SPG7: variants seen among roughly 807,000 people sequenced by gnomAD.
SPG7 encodes mitochondrial inner membrane m-AAA protease component paraplegin.
In SPG7, 103 loss-of-function variants were observed where a neutral mutation model predicts 81.9. That is an observed-to-expected ratio of 1.26 (90% CI 1.07 to 1.48). The LOEUF (loss-of-function observed/expected upper bound fraction) is 1.48. Among genes scored for constraint, SPG7 ranks in the 40% most tolerant of loss-of-function variants. The pLI is 0.00. For synonymous variants in SPG7, 534 were observed against 444.2 expected (o/e 1.20, Z -2.54); for missense variants, 1,241 against 1,087.3 (o/e 1.14, Z -1.99).
intron 16 of SPG7, chr16:89,555,636 T>G: frequency 1.1e-5 from 4 of 366,264 alleles, no homozygotes; most frequent in East Asian, 8.0e-5. Context: ...AGACCTCCCT[T>G]GTTTTGAGGG....
chr16:89,530,713 G>A lies in SPG7; in HGVS notation c.892G>A (p.Val298Met), dbSNP rs2058329823. ...NQLKMARFTI[V>M]DGKMGKGVSF... ...GCTTAAAATGGCTCGTTTCACCATT[G>A]TGGATGGGAAGATGGGGAAAGGAGT... The change falls in exon 7 of 17, where the codon GTG becomes ATG. Residue 298 changes from valine to methionine, a missense_variant. Val to Met is a conservative substitution (Grantham distance 21). Transcript: ENST00000645818. 6.2e-7 allele frequency: 1 copy of A among 1,614,166 alleles called. No homozygotes were observed. Among genetic ancestry groups the A allele is most frequent in the South Asian group, 1.1e-5 (1 of 91,082 alleles).
chr16:89,525,874 G>A (rs1176163169), intron 4 of SPG7, among the ~76,000 whole-genome samples: 2 of 152,208 alleles, frequency 1.3e-5, no homozygotes, highest in Admixed American at 6.5e-5. Flanking sequence ...GTGTCTGCAG[G>A]TGTAGCTGAG....
At chr16:89,512,537 T>G (rs1597603846) in intron 2 of SPG7, among the ~76,000 whole-genome samples, 1 of 152,192 alleles carries the variant, frequency 6.6e-6, no homozygotes, top group African/African-American at 2.4e-5. Flanking sequence ...GGTCTTGAAC[T>G]CCTGACCTCG....
Position 89,553,034 on chromosome 16 carries a change from G to C in SPG7, c.1835G>C (p.Arg612Thr). ...CTGGGCTTTGCTCAGATGCTCCCCA[G>C]AGACCAGCACCTCTTCACCAAGGAG... Reference protein sequence around the residue: ...AALGFAQMLPRDQHLFTKEQL... With the variant: ...AALGFAQMLPTDQHLFTKEQL... The change falls in exon 14 of 17, where the codon AGA becomes ACA. Residue 612 changes from arginine to threonine, a missense_variant. Coordinates refer to ENST00000645818, the MANE Select transcript of SPG7 (RefSeq NM_003119.4). 1 of 1,614,034 alleles carries C rather than the reference G, an allele frequency of 6.2e-7. No homozygotes were observed. Among genetic ancestry groups the C allele is most frequent in the Non-Finnish European group, 8.5e-7 (1 of 1,179,968 alleles).
intron 1 of SPG7, among the ~76,000 whole-genome samples, chr16:89,509,861 T>G (rs2057989442): frequency 6.9e-6 from 1 of 145,216 alleles, no homozygotes; most frequent in African/African-American, 2.5e-5. Context: ...TGATCATGGC[T>G]CCCTGAAGCC....
intron 14 of SPG7, 170 bp from the exon 15 acceptor site, chr16:89,553,624 G>A: frequency 1.6e-6 from 1 of 636,866 alleles, no homozygotes. Flanking sequence ...ACTCTCTTAA[G>A]GAACAGTGGT....
At chr16:89,554,823 G>GT in intron 16 of SPG7, 1 of 437,660 alleles carries the variant, frequency 2.3e-6, no homozygotes, top group Non-Finnish European at 4.2e-6. Flanking sequence ...AATTACCAAT[G>GT]TTTTGTCAGT....
rs777324546 is a variant in SPG7 at position 89,513,051 on chromosome 16, A to C, written c.376+14A>C. 8 of 1,594,870 alleles carry C rather than the reference A, an allele frequency of 5.0e-6. No individual in the cohort carries two copies. The highest frequency in any genetic ancestry group is 1.1e-5 in the South Asian group (1 of 89,628). On this transcript the variant is annotated intron_variant, in intron 3 of 16. Transcript: ENST00000645818. ...AAGAGGACGAAGGTATATTCATCTG[A>C]TGTTCTTCAGTCAGTAGCTGCCTCT...
intron 9 of SPG7, chr16:89,538,958 A>T (rs948707727): frequency 1.3e-5 from 2 of 152,332 alleles, no homozygotes; most frequent in Non-Finnish European, 2.9e-5. Flanking sequence ...GCAGCCCTGA[A>T]CACTGAGGAT....
intron 14 of SPG7, 105 bp from the exon 15 acceptor site, chr16:89,553,689 G>A: frequency 3.6e-6 from 4 of 1,115,472 alleles, no homozygotes; most frequent in Non-Finnish European, 5.4e-6. Flanking sequence ...GGAGGAAGGG[G>A]ATGGAGGTGG....
At chr16:89,526,527 G>T (rs1390073421) in intron 5 of SPG7, 59 bp downstream of exon 5, 1 of 1,584,646 alleles carries the variant, frequency 6.3e-7, no homozygotes, top group Admixed American at 1.7e-5. Flanking sequence ...TGTAATCTGA[G>T]AAACAGATTG....
Position 89,550,523 on chromosome 16 carries a change from A to T in SPG7, c.1693A>T (p.Lys565Ter), listed in dbSNP as rs748963233. 6.2e-7 allele frequency: 1 copy of T among 1,613,882 alleles called. No individual in the cohort carries two copies. Among genetic ancestry groups the T allele is most frequent in the South Asian group, 1.1e-5 (1 of 91,082 alleles). Reference protein sequence around the residue: ...GTAKKSKILSKEEQKVVAFHE... With the variant: ...GTAKKSKILS ...TGCCAAAAAGAGCAAGATCCTGTCC[A>T]AGGAAGAACAGAAAGTGGTTGCGTT... is the stretch of plus-strand genomic sequence containing the variant. The change falls in exon 13 of 17, where the codon AAG (lysine) becomes TAG (stop). Residue 565 changes from lysine (K) to a stop codon, truncating the protein, a stop_gained. Coordinates refer to ENST00000645818, the MANE Select transcript of SPG7 (RefSeq NM_003119.4). LOFTEE classifies it high-confidence loss of function.
At chr16:89,521,749 C>T (rs2058190209) in intron 3 of SPG7, 1 of 152,238 alleles carries the variant, frequency 6.6e-6, no homozygotes, top group African/African-American at 2.4e-5. Context: ...GCACTCCAGC[C>T]TGGGTGACGG....
intron 3 of SPG7, chr16:89,517,193 G>A (rs1039254288): frequency 6.7e-6 from 1 of 148,870 alleles, no homozygotes; most frequent in African/African-American, 2.5e-5. Flanking sequence ...AGCCTTGTGT[G>A]TTGTGTTACG....
chr16:89,537,277 A>C (rs2058438145), intron 9 of SPG7: 3 of 1,315,360 alleles, frequency 2.3e-6, no homozygotes, highest in East Asian at 3.0e-5. Flanking sequence ...TGTCCTGCGG[A>C]CCCCAGAGCC....
chr16:89,537,430 A>G (rs1185330876), intron 9 of SPG7: 5 of 1,034,444 alleles, frequency 4.8e-6, no homozygotes, highest in Non-Finnish European at 5.8e-6. Flanking sequence ...CGGTTCACAC[A>G]GGCCTCCCTT....
chr16:89,509,678 T>G (rs9931446), intron 1 of SPG7, among the ~76,000 whole-genome samples: 68,155 of 152,066 alleles, frequency 0.45, 15,631 homozygotes, highest in East Asian at 0.67. Context: ...AGGAGCCCCG[T>G]GTCTGGGCAG....
At chr16:89,553,366 A>G (rs1018592288) in intron 14 of SPG7, 2 of 577,110 alleles carry the variant, frequency 3.5e-6, no homozygotes, top group Admixed American at 3.0e-5. Flanking sequence ...GACACATTTA[A>G]TTGGTTAATT....
intron 3 of SPG7, among the ~76,000 whole-genome samples, chr16:89,513,301 G>A (rs956693419): frequency 1.3e-5 from 2 of 152,156 alleles, no homozygotes; most frequent in Non-Finnish European, 2.9e-5. Context: ...TTGGGAGGCT[G>A]AGGCAGGCGG....
Sources: gnomAD v4.1 joint callset for allele counts (sites outside exome capture counted in the v4.1 genomes callset) on GRCh38, gnomAD v4.1.1 for gene constraint, MANE v1.5 for transcripts, NCBI Gene and HGNC (gene_info 2026-07-23, HGNC 2026-07-21) for gene names.